BLACAT1: variants seen among roughly 807,000 people sequenced by gnomAD.
BLACAT1 encodes the protein BLACAT1 overlapping LEMD1 locus.
intron 1 of BLACAT1, among the ~76,000 whole-genome samples, chr1:205,446,386 C>T (rs1344076599): frequency 6.6e-6 from 1 of 152,206 alleles, no homozygotes; most frequent in African/African-American, 2.4e-5. Context: ...TTACCCCATC[C>T]ATCTTTTCTC....
At chr1:205,439,062 G>A (rs1666252581), downstream of BLACAT1, among the ~76,000 whole-genome samples, 2 of 152,154 alleles carry the variant, frequency 1.3e-5, no homozygotes, top group Non-Finnish European at 2.9e-5. Flanking sequence ...ACTTTTCTAG[G>A]ATTGCAGCCT....
chr1:205,444,705 T>A (rs1666353304), intron 1 of BLACAT1, among the ~76,000 whole-genome samples: 1 of 152,142 alleles, frequency 6.6e-6, no homozygotes, highest in Non-Finnish European at 1.5e-5. Context: ...TTTGGCAATG[T>A]CCTTCATCAG....
exon 2 of BLACAT1, among the ~76,000 whole-genome samples, chr1:205,440,004 T>G (rs1201868390): frequency 6.6e-6 from 1 of 150,394 alleles, no homozygotes; most frequent in Non-Finnish European, 1.5e-5. Context: ...GTCCTAGAGG[T>G]CCCCCCACCC....
chr1:205,452,058 G>A (rs567911913), intron 1 of BLACAT1, among the ~76,000 whole-genome samples: 20 of 152,328 alleles, frequency 1.3e-4, no homozygotes, highest in Non-Finnish European at 2.4e-4. Context: ...GGCGGAGGGA[G>A]GGCTGGGGAG....
intron 1 of BLACAT1, among the ~76,000 whole-genome samples, chr1:205,444,137 T>C (rs1475484986): frequency 6.6e-6 from 1 of 150,786 alleles, no homozygotes; most frequent in African/African-American, 2.4e-5. Flanking sequence ...ATCCTCCCCC[T>C]CCTTTTCCAT....
At position 205,450,262 on chromosome 1, in the gene BLACAT1, G is replaced by A. The variant is rs1666476532; in HGVS notation, c.-37+5655C>T. 6.6e-6 allele frequency among the ~76,000 whole-genome samples: 1 copy of A among 151,892 alleles called. No individual in the cohort carries two copies. Among genetic ancestry groups the A allele is most frequent in the Non-Finnish European group, 1.5e-5 (1 of 67,950 alleles). ...ACTGGCTTTTGATCTCACTCCCTCT[G>A]AACCAGCCATGTATTACTCACGTCC... On this transcript the variant is annotated intron_variant, in intron 1 of 1. Coordinates refer to ENST00000629624, the Ensembl canonical transcript of BLACAT1. The surrounding 1 kb of genome is among the most constrained non-coding windows in gnomAD (Gnocchi z 4.4).
chr1:205,447,028 T>C (rs1371346639), intron 1 of BLACAT1, among the ~76,000 whole-genome samples: 1 of 152,202 alleles, frequency 6.6e-6, no homozygotes, highest in Non-Finnish European at 1.5e-5. Flanking sequence ...GTGCATCCAA[T>C]AGAGATCTCG....
intron 1 of BLACAT1, among the ~76,000 whole-genome samples, chr1:205,454,644 G>T (rs1486582438): frequency 2.0e-5 from 3 of 152,034 alleles, no homozygotes; most frequent in Admixed American, 2.0e-4. Context: ...GATAGAAGTT[G>T]TTTGCAGCCC....
At chr1:205,443,445 A>G (rs1329509590) in intron 1 of BLACAT1, among the ~76,000 whole-genome samples, 3 of 152,086 alleles carry the variant, frequency 2.0e-5, no homozygotes, top group Non-Finnish European at 4.4e-5. Context: ...TTGTCACTGT[A>G]GGGAAGGATG....
downstream of BLACAT1, chr1:205,437,826 A>G: frequency 6.6e-6 from 1 of 152,236 alleles, no homozygotes; most frequent in South Asian, 2.1e-4. Context: ...TTAGTTTCCA[A>G]GCAGGGCTAG....
intron 1 of BLACAT1, among the ~76,000 whole-genome samples, chr1:205,444,558 G>C (rs114638220): frequency 0.011 from 1,631 of 152,234 alleles, 36 homozygotes; most frequent in African/African-American, 0.037. Flanking sequence ...TGGCAAAAAT[G>C]GGGCAGTGAG....
Position 205,450,396 on chromosome 1 carries a change from A to AT in BLACAT1, c.-37+5520dup, listed in dbSNP as rs1666479684. On this transcript the variant is annotated intron_variant, in intron 1 of 1. Transcript: ENST00000629624. The surrounding 1 kb of genome is among the most constrained non-coding windows in gnomAD (Gnocchi z 4.4). The stretch of plus-strand genomic sequence containing the variant: ...TCCCCTCCAGCTTTTTTATAGTTTA[A>AT]TTTTTGGCAGGAGACCTGAGACGGC... Among the ~76,000 whole-genome samples the AT allele has an allele frequency of 6.8e-6, 1 of 147,978 alleles. No homozygotes were observed. The highest frequency in any genetic ancestry group is 1.5e-5 in the Non-Finnish European group (1 of 67,144).
chr1:205,445,006 C>T (rs1575010510), intron 1 of BLACAT1, among the ~76,000 whole-genome samples: 1 of 152,032 alleles, frequency 6.6e-6, no homozygotes, highest in African/African-American at 2.4e-5. Flanking sequence ...CCCTTAGCAC[C>T]GCGTCTCAGT....
downstream of BLACAT1, among the ~76,000 whole-genome samples, chr1:205,439,756 AT>A (rs1666262963): frequency 1.3e-5 from 2 of 152,088 alleles, no homozygotes; most frequent in South Asian, 4.1e-4. Context: ...TGCCTGAAGC[AT>A]CTCTGCTGCT....
rs1343211823 is a variant in BLACAT1, at chr1:205,441,665, C to A, written c.-36-603G>T. Among the ~76,000 whole-genome samples, 1 of 152,230 alleles carries A rather than the reference C, an allele frequency of 6.6e-6. No individual in the cohort carries two copies. The highest frequency in any genetic ancestry group is 1.5e-5 in the Non-Finnish European group (1 of 68,040). ...ATACCCTTCCTTTGACTGCTCAGGG[C>A]AATGCAAATCCCATCCTCACCATGC... is the stretch of plus-strand genomic sequence containing the variant. On this transcript the variant is annotated intron_variant, in intron 1 of 1. Coordinates refer to ENST00000629624, the Ensembl canonical transcript of BLACAT1. The surrounding 1 kb of genome is among the most constrained non-coding windows in gnomAD (Gnocchi z 4.3).
At chr1:205,444,479 T>A (rs1311619688) in intron 1 of BLACAT1, among the ~76,000 whole-genome samples, 1 of 151,110 alleles carries the variant, frequency 6.6e-6, no homozygotes, top group African/African-American at 2.5e-5. Flanking sequence ...GCTGATCCTT[T>A]CCCTTGGCCT....
chr1:205,446,947 C>T (rs1463764334), intron 1 of BLACAT1, among the ~76,000 whole-genome samples: 2 of 152,214 alleles, frequency 1.3e-5, no homozygotes, highest in African/African-American at 4.8e-5. Context: ...CCCCCGACCT[C>T]CTGTGGGAAA....
intron 1 of BLACAT1, among the ~76,000 whole-genome samples, chr1:205,455,030 C>T (rs1353142046): frequency 1.3e-5 from 2 of 152,138 alleles, no homozygotes; most frequent in East Asian, 3.9e-4. Context: ...CTCTCCTGAC[C>T]AGCTCAGCAC....
chr1:205,438,506 G>A (rs1024222201), downstream of BLACAT1, among the ~76,000 whole-genome samples: 4 of 152,252 alleles, frequency 2.6e-5, no homozygotes, highest in African/African-American at 9.6e-5. Flanking sequence ...CAAGGGCCTA[G>A]AGGAGGGCAC....
Sources: gnomAD v4.1 joint callset for allele counts (sites outside exome capture counted in the v4.1 genomes callset) on GRCh38, gnomAD v4.1.1 for gene constraint, Gnocchi (gnomAD v3.1) non-coding constraint, MANE v1.5 for transcripts, NCBI Gene and HGNC (gene_info 2026-07-23, HGNC 2026-07-21) for gene names.